ZNF10: variants seen among roughly 807,000 people sequenced by gnomAD.
The protein encoded by ZNF10 is zinc finger protein 10 (KOX 1).
Under a neutral mutation model 12.2 loss-of-function variants are expected in ZNF10, and 8 were observed. The observed-to-expected ratio is 0.66, with a 90% confidence interval of 0.39 to 1.18. The LOEUF is 1.18. Among genes scored for constraint, ZNF10 ranks in the 50% most tolerant of loss-of-function variants. The probability of loss-of-function intolerance (pLI) is 0.01; values close to 1 mark genes in which losing one functional copy is unlikely to be tolerated. For missense variants in ZNF10, 603 were observed against 678.9 expected (o/e 0.89, Z 1.24); for synonymous variants, 229 against 228.2 (o/e 1.00, Z -0.03).
intron 1 of ZNF10, among the ~76,000 whole-genome samples, chr12:133,141,072 T>G (rs767755004): frequency 3.9e-5 from 6 of 152,186 alleles, no homozygotes; most frequent in Non-Finnish European, 8.8e-5. Context: ...GGAAAACTCT[T>G]CCAATTCCTG....
rs753655777 is a variant in ZNF10, at chr12:133,155,824, A to G, written c.578A>G (p.Lys193Arg). 2 of 1,613,854 alleles carry G rather than the reference A, an allele frequency of 1.2e-6. No homozygotes were observed. Among genetic ancestry groups the G allele is most frequent in the East Asian group, 2.2e-5 (1 of 44,870 alleles). Residue 193 changes from lysine to arginine, a missense_variant, in exon 5 of 5, where the codon AAA (lysine) becomes AGA (arginine). Lys to Arg is a conservative substitution (Grantham distance 26). This residue lies in a region of ZNF10 where 393 missense variants were observed against 399.7 expected (regional missense o/e 0.98). Coordinates refer to ENST00000248211, the MANE Select transcript of ZNF10 (RefSeq NM_015394.5). ...EYFHKRDSHT[K>R]SLKHDLVLNG... is the part of the protein sequence containing the mutation. Reference sequence around the variant, plus strand: ...TTCCATAAACGTGACTCACATACTAAAAGTTTAAAACATGATTTAGTTCTT... The same window carrying G: ...TTCCATAAACGTGACTCACATACTAGAAGTTTAAAACATGATTTAGTTCTT...
rs971880284 is a variant in ZNF10 at position 133,157,495 on chromosome 12, A to G, written c.*527A>G. On this transcript the variant is annotated 3_prime_UTR_variant, in exon 5 of 5. Transcript: ENST00000248211. Reference sequence around the variant, plus strand: ...TTGGTTAACAGCAAGAAAAATGCTTATAATGTAGTACAATTAAAAACAACA... The same window carrying G: ...TTGGTTAACAGCAAGAAAAATGCTTGTAATGTAGTACAATTAAAAACAACA... 1 of 152,256 alleles carries G rather than the reference A, an allele frequency of 6.6e-6. No homozygotes were observed. Among genetic ancestry groups the G allele is most frequent in the Non-Finnish European group, 1.5e-5 (1 of 68,060 alleles). The allele number at this position is 152,256 out of a possible 1,614,324, so 9.4% of individuals were successfully genotyped here.
rs1956053343 is a variant in ZNF10, at chr12:133,158,138, A to G, written c.*1170A>G. 6.6e-6 allele frequency: 1 copy of G among 152,204 alleles called. No homozygotes were observed. 9.4% of individuals were successfully genotyped at this position (152,204 alleles called of 1,614,324 possible). On this transcript the variant is annotated 3_prime_UTR_variant, in exon 5 of 5. Transcript: ENST00000248211. Reference sequence around the variant, plus strand: ...GCTTCTCTGTGCCAAACTTACTGATATCCTCATCTGTAAATTAGCGATAAT... The same window carrying G: ...GCTTCTCTGTGCCAAACTTACTGATGTCCTCATCTGTAAATTAGCGATAAT...
chr12:133,158,030 G>A lies in ZNF10; in HGVS notation c.*1062G>A, dbSNP rs1247905897. On this transcript the variant is annotated 3_prime_UTR_variant, in exon 5 of 5. Transcript: ENST00000248211. ...GTAGTCTTTTATCTTTATAAAGAAA[G>A]ATTAGTGTTTAAGAGCGTAGACTTG... 1.3e-5 allele frequency: 2 copies of A among 152,188 alleles called. No homozygotes were observed. Among genetic ancestry groups the A allele is most frequent in the Non-Finnish European group, 2.9e-5 (2 of 68,030 alleles). The allele number at this position is 152,188 out of a possible 1,614,324, so 9.4% of individuals were successfully genotyped here. A position where few individuals can be genotyped will look rare whatever the true frequency, so the allele number is the denominator to read the frequency against.
chr12:133,140,964 C>T (rs1411645546), intron 1 of ZNF10, among the ~76,000 whole-genome samples: 1 of 152,052 alleles, frequency 6.6e-6, no homozygotes, highest in African/African-American at 2.4e-5. Context: ...GAGGAAACTA[C>T]TTGAGCCAGG....
chr12:133,140,478 CTA>C (rs1955939122), intron 1 of ZNF10, among the ~76,000 whole-genome samples: 1 of 139,944 alleles, frequency 7.1e-6, no homozygotes, highest in Non-Finnish European at 1.5e-5. Flanking sequence ...AGGCACCATT[CTA>C]TGTTTTACAA....
intron 1 of ZNF10, among the ~76,000 whole-genome samples, chr12:133,138,023 TCATTTGTAC>T (rs936760340): frequency 4.1e-5 from 6 of 146,428 alleles, no homozygotes; most frequent in Admixed American, 1.4e-4. Flanking sequence ...AGCTATACAT[TCATTTGTAC>T]CAGGTGGAGC....
chr12:133,133,344 G>T (rs964036854), intron 1 of ZNF10, among the ~76,000 whole-genome samples: 26 of 152,124 alleles, frequency 1.7e-4, no homozygotes, highest in African/African-American at 5.6e-4. Context: ...AGTGAAATGC[G>T]GTTCCTGACG....
At chr12:133,144,875 A>G (rs936636801) in intron 2 of ZNF10, 1 of 461,142 alleles carries the variant, frequency 2.2e-6, no homozygotes, top group African/African-American at 2.0e-5. Context: ...GTATTTACAA[A>G]CAGTTATTCT....
chr12:133,134,249 G>C lies in ZNF10; in HGVS notation c.-60+3495G>C, dbSNP rs563921288. Among the ~76,000 whole-genome samples the C allele has an allele frequency of 7.8e-4, 118 of 152,008 alleles. 1 individual carries two copies. The highest frequency in any genetic ancestry group is 2.8e-3 in the African/African-American group (115 of 41,426). ...AATCACTTGAACCCAAGAGGCGGCG[G>C]TTGCAATGAGCCGAGATTGCTTCAC... On this transcript the variant is annotated intron_variant, in intron 1 of 4. Transcript: ENST00000248211.
rs1361130988 is a variant in ZNF10 at position 133,155,880 on chromosome 12, A to G, written c.634A>G (p.Ser212Gly). The change falls in exon 5 of 5, where the codon AGT becomes GGT. Residue 212 changes from serine to glycine, a missense_variant. Around this residue, in one of 3 missense-constraint regions of ZNF10, gnomAD observed 393 missense variants for 399.7 expected, o/e 0.98. Transcript: ENST00000248211. ...NGHQDSCASN[S>G]NECGQTFCQN... is the part of the protein sequence containing the mutation. The stretch of plus-strand genomic sequence containing the variant: ...TCATCAGGACAGTTGTGCAAGTAAC[A>G]GTAATGAATGTGGTCAAACTTTCTG... The G allele has an allele frequency of 6.2e-6, 10 of 1,613,564 alleles. No individual in the cohort carries two copies. Among genetic ancestry groups the G allele is most frequent in the African/African-American group, 5.3e-5 (4 of 74,952 alleles).
At chr12:133,138,561 C>G (rs889843486) in intron 1 of ZNF10, among the ~76,000 whole-genome samples, 1 of 152,104 alleles carries the variant, frequency 6.6e-6, no homozygotes, top group Non-Finnish European at 1.5e-5. Context: ...TTGTAATTGA[C>G]TTCTTTGTAA....
chr12:133,138,214 C>A (rs1955924062), intron 1 of ZNF10, among the ~76,000 whole-genome samples: 1 of 151,676 alleles, frequency 6.6e-6, no homozygotes, highest in Non-Finnish European at 1.5e-5. Flanking sequence ...GTAGTAGTTG[C>A]TAAGGGAAAT....
chr12:133,158,478 T>C lies in ZNF10; in HGVS notation c.*1510T>C, dbSNP rs557202120. The C allele has an allele frequency of 1.3e-5, 2 of 152,368 alleles. No homozygotes were observed. The highest frequency in any genetic ancestry group is 6.5e-5 in the Admixed American group (1 of 15,298). The allele number at this position is 152,368 out of a possible 1,614,324, so 9.4% of individuals were successfully genotyped here. A position where few individuals can be genotyped will look rare whatever the true frequency, so the allele number is the denominator to read the frequency against. On this transcript the variant is annotated 3_prime_UTR_variant, in exon 5 of 5. Transcript: ENST00000248211. Reference sequence around the variant, plus strand: ...AGGATCAATAAACAGCTTGTAATGTTGTATACACATTTATTCTGTTTGTAC... The same window carrying C: ...AGGATCAATAAACAGCTTGTAATGTCGTATACACATTTATTCTGTTTGTAC...
Position 133,158,359 on chromosome 12 carries a change from T to G in ZNF10, c.*1391T>G, listed in dbSNP as rs1420643593. 2 of 152,220 alleles carry G rather than the reference T, an allele frequency of 1.3e-5. No homozygotes were observed. The highest frequency in any genetic ancestry group is 2.9e-5 in the Non-Finnish European group (2 of 68,040). 9.4% of individuals were successfully genotyped at this position (152,220 alleles called of 1,614,324 possible). ...AGAATTTACTGAGTTCTCACTTCCC[T>G]TACAGTCATACATGGTTTTTCCCTT... On this transcript the variant is annotated 3_prime_UTR_variant, in exon 5 of 5. Transcript: ENST00000248211.
intron 1 of ZNF10, among the ~76,000 whole-genome samples, chr12:133,131,422 G>A (rs2137634247): frequency 6.6e-6 from 1 of 152,004 alleles, no homozygotes; most frequent in South Asian, 2.1e-4. Flanking sequence ...CAAAGTGTAT[G>A]CAGAAGGTGA....
intron 2 of ZNF10, among the ~76,000 whole-genome samples, chr12:133,148,750 G>GTTTTTTTTTTTTTTTTTTTTTTTTTTT (rs201972025): frequency 7.3e-6 from 1 of 137,408 alleles, no homozygotes. Flanking sequence ...ATTCAATGTT[G>GTTTTTTTTTTTTTTTTTTTTTTTTTTT]GTTTTTTTTT....
intron 1 of ZNF10, among the ~76,000 whole-genome samples, chr12:133,131,665 A>G (rs937743390): frequency 6.6e-6 from 1 of 152,182 alleles, no homozygotes; most frequent in East Asian, 1.9e-4. Context: ...CTTCTGTTTT[A>G]CTAAAATTGT....
chr12:133,132,421 C>T (rs1019491556), intron 1 of ZNF10, among the ~76,000 whole-genome samples: 5 of 151,800 alleles, frequency 3.3e-5, no homozygotes, highest in African/African-American at 1.2e-4. Flanking sequence ...AGGCGCCAGC[C>T]ACCATGCCCA....
Sources: gnomAD v4.1 joint callset for allele counts (sites outside exome capture counted in the v4.1 genomes callset) on GRCh38, gnomAD v4.1.1 for gene constraint, gnomAD v4.1.1 regional missense constraint, MANE v1.5 for transcripts, NCBI Gene and HGNC (gene_info 2026-07-23, HGNC 2026-07-21) for gene names.